Variants in ZBTB44 observed in about 807,000 individuals in gnomAD.
The protein encoded by ZBTB44 is zinc finger and BTB domain containing 44.
ZBTB44 carries 15 observed loss-of-function variants against 54.0 expected under a neutral mutation model. That is an observed-to-expected ratio of 0.28 (90% CI 0.19 to 0.43). The LOEUF is 0.43. Among genes scored for constraint, ZBTB44 ranks in the 20% least tolerant of loss-of-function variants. The probability of loss-of-function intolerance (pLI) is 1.00; values close to 1 mark genes in which losing one functional copy is unlikely to be tolerated. For synonymous variants in ZBTB44, 230 were observed against 250.1 expected (o/e 0.92, Z 0.76); for missense variants, 487 against 707.1 (o/e 0.69, Z 3.53).
chr11:130,297,086 T>C (rs1941697362), intron 1 of ZBTB44: 4 of 609,378 alleles, frequency 6.6e-6, no homozygotes, highest in South Asian at 6.5e-5. Flanking sequence ...CTTGAATAAC[T>C]GTTCTAAAAT....
intron 1 of ZBTB44, among the ~76,000 whole-genome samples, chr11:130,273,741 G>A (rs900442181): frequency 1.3e-5 from 2 of 152,020 alleles, no homozygotes; most frequent in Non-Finnish European, 2.9e-5. Flanking sequence ...AATTCCTTAC[G>A]ATTTTCTATA....
At chr11:130,295,145 G>A (rs967470458) in intron 1 of ZBTB44, among the ~76,000 whole-genome samples, 1 of 152,102 alleles carries the variant, frequency 6.6e-6, no homozygotes, top group Non-Finnish European at 1.5e-5. Context: ...TGCGGCACCA[G>A]AACCTAAAGT....
At chr11:130,270,645 A>G (rs1405008849) in intron 1 of ZBTB44, among the ~76,000 whole-genome samples, 1 of 144,748 alleles carries the variant, frequency 6.9e-6, no homozygotes, top group Non-Finnish European at 1.5e-5. Flanking sequence ...GTGAGGATAA[A>G]GAAAATGCAT....
At chr11:130,273,771 A>T (rs1307082514) in intron 1 of ZBTB44, among the ~76,000 whole-genome samples, 1 of 152,090 alleles carries the variant, frequency 6.6e-6, no homozygotes, top group Non-Finnish European at 1.5e-5. Flanking sequence ...AGTATCCCTT[A>T]TCCAAAATGC....
chr11:130,277,706 GCT>G (rs574278418), intron 1 of ZBTB44, among the ~76,000 whole-genome samples: 74 of 151,964 alleles, frequency 4.9e-4, no homozygotes, highest in Non-Finnish European at 8.8e-4. Flanking sequence ...CTTTTCTGAT[GCT>G]CTATTTTTTT....
chr11:130,288,210 C>T (rs1941084958), intron 1 of ZBTB44, among the ~76,000 whole-genome samples: 1 of 151,308 alleles, frequency 6.6e-6, no homozygotes, highest in South Asian at 2.1e-4. Flanking sequence ...CCCGTCTCTA[C>T]CAAAAATATA....
intron 1 of ZBTB44, among the ~76,000 whole-genome samples, chr11:130,263,175 C>T (rs1008318769): frequency 6.6e-6 from 1 of 152,178 alleles, no homozygotes; most frequent in Non-Finnish European, 1.5e-5. Flanking sequence ...CCAAAGCAGC[C>T]AGGTAAAGCT....
intron 1 of ZBTB44, among the ~76,000 whole-genome samples, chr11:130,262,711 T>G (rs984236917): frequency 6.7e-6 from 1 of 148,844 alleles, no homozygotes; most frequent in African/African-American, 2.5e-5. Flanking sequence ...AAAAGAAAGA[T>G]GGGAAAAAGA....
chr11:130,237,275 T>A (rs1419263692), intron 4 of ZBTB44, among the ~76,000 whole-genome samples, 182 bp from the exon 5 acceptor site: 3 of 152,112 alleles, frequency 2.0e-5, no homozygotes, highest in Non-Finnish European at 4.4e-5. Flanking sequence ...AAGTCACAAG[T>A]GCTTAAAAAG....
intron 1 of ZBTB44, among the ~76,000 whole-genome samples, chr11:130,279,002 T>TA (rs1391522545): frequency 1.3e-5 from 2 of 152,190 alleles, no homozygotes; most frequent in African/African-American, 4.8e-5. Flanking sequence ...GCATGCCTCA[T>TA]AATTTTTTGC....
chr11:130,294,515 A>G (rs1276382262), intron 1 of ZBTB44, among the ~76,000 whole-genome samples: 2 of 135,766 alleles, frequency 1.5e-5, no homozygotes, highest in Non-Finnish European at 3.1e-5. Context: ...CAAAACCAGG[A>G]TTTACACAAA....
intron 5 of ZBTB44, among the ~76,000 whole-genome samples, 185 bp from the exon 6 acceptor site, chr11:130,234,458 T>C (rs1954019308): frequency 1.3e-5 from 2 of 152,160 alleles, no homozygotes; most frequent in Admixed American, 6.6e-5. Context: ...AAAACATCCA[T>C]TAAAACCAAA....
intron 1 of ZBTB44, among the ~76,000 whole-genome samples, chr11:130,304,912 G>C (rs1224730409): frequency 6.6e-6 from 1 of 152,116 alleles, no homozygotes; most frequent in Non-Finnish European, 1.5e-5. Context: ...TGAAGTTTCA[G>C]GATACAAAAT....
chr11:130,306,985 C>A (rs2134504489), intron 1 of ZBTB44, among the ~76,000 whole-genome samples: 1 of 148,218 alleles, frequency 6.7e-6, no homozygotes, highest in South Asian at 2.1e-4. Flanking sequence ...CAGAAATCAC[C>A]ACTAAAGAAC....
At chr11:130,265,749 C>T (rs1489199886) in intron 1 of ZBTB44, among the ~76,000 whole-genome samples, 5 of 152,158 alleles carry the variant, frequency 3.3e-5, no homozygotes, top group African/African-American at 7.2e-5. Context: ...TAAATCAAAG[C>T]CTAATCCAGC....
chr11:130,260,744 A>T, intron 2 of ZBTB44, 112 bp downstream of exon 2: 1 of 1,226,738 alleles, frequency 8.2e-7, no homozygotes, highest in Non-Finnish European at 1.1e-6. Flanking sequence ...ACCATGTTTT[A>T]CTCTTCTTTA....
chr11:130,293,651 G>A (rs1403342514), intron 1 of ZBTB44, among the ~76,000 whole-genome samples: 2 of 150,558 alleles, frequency 1.3e-5, no homozygotes, highest in African/African-American at 4.9e-5. Flanking sequence ...AAAGAAATTA[G>A]CTGGGTATGG....
chr11:130,305,491 A>C (rs1942217071), intron 1 of ZBTB44, among the ~76,000 whole-genome samples: 1 of 152,174 alleles, frequency 6.6e-6, no homozygotes, highest in Non-Finnish European at 1.5e-5. Context: ...AAGCAAACAA[A>C]AACATAAAGT....
At chr11:130,278,646 G>T (rs527871411) in intron 1 of ZBTB44, among the ~76,000 whole-genome samples, 34 of 152,140 alleles carry the variant, frequency 2.2e-4, no homozygotes, top group Non-Finnish European at 4.3e-4. Flanking sequence ...CTGTTCCTCA[G>T]TTTGCATAAT....
Sources: gnomAD v4.1 joint callset for allele counts (sites outside exome capture counted in the v4.1 genomes callset) on GRCh38, gnomAD v4.1.1 for gene constraint, MANE v1.5 for transcripts, NCBI Gene and HGNC (gene_info 2026-07-23, HGNC 2026-07-21) for gene names.